MAPK10: variants seen among roughly 807,000 people sequenced by gnomAD.
The protein encoded by MAPK10 is JNK3 alpha protein kinase.
In MAPK10, 25 loss-of-function variants were observed where a neutral mutation model predicts 59.3. That is an observed-to-expected ratio of 0.42 (90% CI 0.31 to 0.59). The LOEUF (loss-of-function observed/expected upper bound fraction) is 0.59, where lower values mean the gene tolerates loss of function less well. MAPK10 is among the 20% of genes least tolerant of loss of function. MAPK10 has a pLI of 0.15. For missense variants in MAPK10, 351 were observed against 568.9 expected, an observed-to-expected ratio of 0.62 and a Z score of 3.90; for synonymous variants, 190 against 200.5, an observed-to-expected ratio of 0.95 and a Z score of 0.44.
At chr4:86,256,803 C>G (rs1424786282) in intron 2 of MAPK10, among the ~76,000 whole-genome samples, 1 of 140,458 alleles carries the variant, frequency 7.1e-6, no homozygotes, top group African/African-American at 2.7e-5. Context: ...TACAGTGGCG[C>G]GATCTCGGCT....
At chr4:86,222,176 A>G (rs754750373) in intron 2 of MAPK10, among the ~76,000 whole-genome samples, 30 of 152,322 alleles carry the variant, frequency 2.0e-4, no homozygotes, top group Middle Eastern at 6.8e-3. Flanking sequence ...CTGTGAGCCA[A>G]TTAAACCTCT....
chr4:86,231,569 A>T (rs2091545006), intron 2 of MAPK10, among the ~76,000 whole-genome samples: 1 of 152,080 alleles, frequency 6.6e-6, no homozygotes. Context: ...AGGCTGAGAC[A>T]GGAGAATCGC....
intron 1 of MAPK10, among the ~76,000 whole-genome samples, chr4:86,431,194 T>C (rs1230046206): frequency 2.0e-5 from 3 of 152,278 alleles, no homozygotes; most frequent in Middle Eastern, 6.8e-3. Context: ...TTTACACTCA[T>C]ACCAGGCAAA....
intron 4 of MAPK10, among the ~76,000 whole-genome samples, chr4:86,131,531 C>A (rs115854129): frequency 0.011 from 1,626 of 152,072 alleles, 29 homozygotes; most frequent in African/African-American, 0.036. Flanking sequence ...TATAATTCTC[C>A]CCCAGTTTTT....
intron 1 of MAPK10, among the ~76,000 whole-genome samples, chr4:86,474,510 G>C (rs1564921137): frequency 6.6e-6 from 1 of 152,186 alleles, no homozygotes; most frequent in Non-Finnish European, 1.5e-5. Flanking sequence ...AAGTTATTCA[G>C]CACTTTCAAT....
At chr4:86,168,553 G>T (rs1156966039) in intron 3 of MAPK10, among the ~76,000 whole-genome samples, 1 of 152,220 alleles carries the variant, frequency 6.6e-6, no homozygotes, top group South Asian at 2.1e-4. Context: ...AAACAAAGCA[G>T]CCCGGAAGCT....
intron 1 of MAPK10, among the ~76,000 whole-genome samples, chr4:86,579,186 A>T (rs1287869162): frequency 2.0e-5 from 3 of 152,230 alleles, no homozygotes; most frequent in Non-Finnish European, 2.9e-5. Flanking sequence ...ACATTGGATC[A>T]GCAGATTATC....
At chr4:86,311,446 T>C (rs1359011623) in intron 2 of MAPK10, among the ~76,000 whole-genome samples, 1 of 152,088 alleles carries the variant, frequency 6.6e-6, no homozygotes, top group Non-Finnish European at 1.5e-5. Context: ...ACCTCTACCT[T>C]CAACACTGTC....
At position 86,555,769 on chromosome 4, in the gene MAPK10, TA is replaced by T. The variant is rs755923813; in HGVS notation, c.-263+38140del. ...TTAAATTTGTTCCTTATTAAAAGTG[TA>T]AGAAGTTGGGTAAAGGAGAATATTG... On this transcript the variant is annotated intron_variant, in intron 1 of 4. Transcript: ENST00000502302. Among the ~76,000 whole-genome samples the T allele has an allele frequency of 8.5e-5, 13 of 152,304 alleles. No individual in the cohort carries two copies. In the East Asian group the frequency reaches 2.1e-3, roughly 25 times the overall value.
chr4:86,469,190 G>A (rs1383720322), intron 1 of MAPK10, among the ~76,000 whole-genome samples: 1 of 151,956 alleles, frequency 6.6e-6, no homozygotes, highest in African/African-American at 2.4e-5. Context: ...CTTGAGCCTT[G>A]AGCCCTATGA....
chr4:86,439,901 C>T (rs1749215520), intron 1 of MAPK10, among the ~76,000 whole-genome samples: 1 of 152,130 alleles, frequency 6.6e-6, no homozygotes, highest in African/African-American at 2.4e-5. Context: ...AATCAGCCTT[C>T]TAGCCCCAAA....
At chr4:86,423,195 C>T (rs1364051443) in intron 1 of MAPK10, among the ~76,000 whole-genome samples, 1 of 152,090 alleles carries the variant, frequency 6.6e-6, no homozygotes, top group East Asian at 1.9e-4. Context: ...GAGATAGCAG[C>T]ATTCTAAGAA....
intron 4 of MAPK10, among the ~76,000 whole-genome samples, chr4:86,138,741 A>G (rs1202891285): frequency 6.6e-6 from 1 of 151,906 alleles, no homozygotes; most frequent in Admixed American, 6.6e-5. Context: ...AGAGGAAGTC[A>G]AATTGTCCCT....
At chr4:86,136,945 T>A (rs2062317778) in intron 4 of MAPK10, among the ~76,000 whole-genome samples, 1 of 152,164 alleles carries the variant, frequency 6.6e-6, no homozygotes, top group Admixed American at 6.5e-5. Flanking sequence ...AGAAGGCCAT[T>A]ACATAATGGT....
At chr4:86,266,666 T>C (rs751653490) in intron 2 of MAPK10, among the ~76,000 whole-genome samples, 8 of 152,190 alleles carry the variant, frequency 5.3e-5, no homozygotes, top group Non-Finnish European at 7.3e-5. Context: ...TTGAGAAGTA[T>C]GCATCAATAA....
intron 3 of MAPK10, among the ~76,000 whole-genome samples, chr4:86,168,945 G>C (rs1411299162): frequency 6.6e-6 from 1 of 152,212 alleles, no homozygotes; most frequent in Non-Finnish European, 1.5e-5. Flanking sequence ...CTGCTACCCA[G>C]GCAAACAGGG....
chr4:86,133,626 A>G (rs1186412323), intron 4 of MAPK10, among the ~76,000 whole-genome samples: 2 of 152,224 alleles, frequency 1.3e-5, no homozygotes, highest in Non-Finnish European at 2.9e-5. Context: ...AGAGAATTTG[A>G]ACTCTAAAAA....
At chr4:86,327,170 T>C (rs1233680721) in intron 2 of MAPK10, 1 of 149,320 alleles carries the variant, frequency 6.7e-6, no homozygotes, top group Non-Finnish European at 1.5e-5. Flanking sequence ...GAGAGAGGAC[T>C]CACTATGTTG....
chr4:86,548,517 G>C (rs146943334), intron 1 of MAPK10, among the ~76,000 whole-genome samples: 1 of 152,136 alleles, frequency 6.6e-6, no homozygotes, highest in Non-Finnish European at 1.5e-5. Context: ...TCCAGGGCTG[G>C]AGGTGGGGTC....
Sources: gnomAD v4.1 joint callset for allele counts (sites outside exome capture counted in the v4.1 genomes callset) on GRCh38, gnomAD v4.1.1 for gene constraint, MANE v1.5 for transcripts, NCBI Gene and HGNC (gene_info 2026-07-23, HGNC 2026-07-21) for gene names.